Variants in TBC1D4 observed in about 807,000 individuals in gnomAD.
TBC1D4 encodes TBC1 domain family member 4, also known as TBC (Tre-2, BUB2, CDC16) domain-containing protein.
In TBC1D4, 121 loss-of-function variants were observed where a neutral mutation model predicts 142.5. That is an observed-to-expected ratio of 0.85 (90% CI 0.73 to 0.99). TBC1D4 has a LOEUF of 0.99. Among genes scored for constraint, TBC1D4 ranks in the 50% least tolerant of loss-of-function variants. TBC1D4 has a pLI of 0.00. For synonymous variants in TBC1D4, 630 were observed against 628.2 expected (o/e 1.00, Z -0.04); for missense variants, 1,475 against 1,606.6 (o/e 0.92, Z 1.40).
chr13:75,309,928 T>A lies in TBC1D4; in HGVS notation c.2593+14A>T. ...TCATAGCATCATAGCATTTAGTCTG[T>A]TAAAATGGCTAACCTTCAAGTTTCT... On this transcript the variant is annotated intron_variant, in intron 14 of 20. Transcript: ENST00000377636. The A allele has an allele frequency of 6.2e-7, 1 of 1,613,790 alleles. No individual in the cohort carries two copies. The highest frequency in any genetic ancestry group is 1.1e-5 in the South Asian group (1 of 91,038).
chr13:75,407,764 C>T (rs954635215), intron 1 of TBC1D4, among the ~76,000 whole-genome samples: 2 of 151,762 alleles, frequency 1.3e-5, no homozygotes, highest in African/African-American at 4.8e-5. Context: ...GAAGTGCCCA[C>T]AGCAAAGTCT....
chr13:75,440,053 A>G (rs1886971284), intron 1 of TBC1D4, among the ~76,000 whole-genome samples: 1 of 152,188 alleles, frequency 6.6e-6, no homozygotes, highest in Non-Finnish European at 1.5e-5. Context: ...TTGGACAAGC[A>G]TTTTTTGATA....
chr13:75,364,656 C>T (rs1882794501), intron 1 of TBC1D4, among the ~76,000 whole-genome samples: 1 of 152,248 alleles, frequency 6.6e-6, no homozygotes, highest in Non-Finnish European at 1.5e-5. Flanking sequence ...CCGTGCAAAC[C>T]TGCAAAAAAT....
chr13:75,373,509 G>A (rs542148737), intron 1 of TBC1D4, among the ~76,000 whole-genome samples: 30 of 152,194 alleles, frequency 2.0e-4, no homozygotes, highest in African/African-American at 6.7e-4. Flanking sequence ...TCTCTGACCC[G>A]GACTTGCACT....
At chr13:75,468,531 G>A (rs1258669437) in intron 1 of TBC1D4, among the ~76,000 whole-genome samples, 9 of 146,918 alleles carry the variant, frequency 6.1e-5, no homozygotes, top group South Asian at 4.4e-4. Context: ...TGATCAGGAG[G>A]GAAAAAAAAA....
At chr13:75,452,599 C>T (rs759205285) in intron 1 of TBC1D4, among the ~76,000 whole-genome samples, 53 of 152,290 alleles carry the variant, frequency 3.5e-4, no homozygotes, top group Non-Finnish European at 6.2e-4. Context: ...CAACTAATTT[C>T]GATGACTAAA....
intron 1 of TBC1D4, among the ~76,000 whole-genome samples, chr13:75,437,650 C>T (rs991296149): frequency 2.0e-5 from 3 of 151,566 alleles, no homozygotes; most frequent in African/African-American, 2.4e-5. Context: ...TACAATACAC[C>T]GATATACAGT....
intron 1 of TBC1D4, among the ~76,000 whole-genome samples, chr13:75,455,030 T>C (rs1887674181): frequency 6.6e-6 from 1 of 152,234 alleles, no homozygotes; most frequent in Admixed American, 6.5e-5. Flanking sequence ...CATCTGCTTC[T>C]GATTCTTCAG....
intron 1 of TBC1D4, among the ~76,000 whole-genome samples, chr13:75,394,469 G>C (rs1407618022): frequency 1.3e-5 from 2 of 152,216 alleles, no homozygotes; most frequent in East Asian, 3.9e-4. Flanking sequence ...GGTCATTTTG[G>C]CTATGTATTA....
chr13:75,411,398 A>G (rs1384514829), intron 1 of TBC1D4, among the ~76,000 whole-genome samples: 14 of 152,160 alleles, frequency 9.2e-5, no homozygotes, highest in South Asian at 2.1e-4. Flanking sequence ...GGAGTAAAGG[A>G]CATTTCCTAA....
intron 1 of TBC1D4, among the ~76,000 whole-genome samples, chr13:75,410,124 T>G (rs559559150): frequency 1.3e-5 from 2 of 152,204 alleles, no homozygotes; most frequent in East Asian, 1.9e-4. Flanking sequence ...TGTACGTAAA[T>G]AACGGTGTAT....
chr13:75,331,286 G>A (rs2138032569), intron 8 of TBC1D4, among the ~76,000 whole-genome samples: 1 of 152,042 alleles, frequency 6.6e-6, no homozygotes, highest in East Asian at 1.9e-4. Flanking sequence ...TTGACCCCAG[G>A]AGTTCGAGAC....
rs1879233529 is a variant in TBC1D4, at chr13:75,326,202, C to A, written c.2028G>T (p.Gln676His). ...CTGGAGAGGGTCAGACTCACCTGCA[C>A]TGTTCACTGGAGCTCTGCCTCAGCA... is the stretch of plus-strand genomic sequence containing the variant. ...SPLLRQSSSE[Q>H]CSNLSSVRRM... The change falls in exon 10 of 21, where the codon CAG becomes CAT. Residue 676 changes from glutamine to histidine, a missense_variant. Around this residue, in one of 2 missense-constraint regions of TBC1D4, gnomAD observed 1,227 missense variants for 1,267.7 expected, o/e 0.97. Coordinates refer to ENST00000377636, the MANE Select transcript of TBC1D4 (RefSeq NM_014832.5). 1 of 1,614,182 alleles carries A rather than the reference C, an allele frequency of 6.2e-7. No homozygotes were observed. The highest frequency in any genetic ancestry group is 2.2e-5 in the East Asian group (1 of 44,872).
chr13:75,366,499 A>G (rs180880207), intron 1 of TBC1D4, among the ~76,000 whole-genome samples: 9 of 152,346 alleles, frequency 5.9e-5, no homozygotes, highest in Admixed American at 5.2e-4. Flanking sequence ...CAAGTTGTTA[A>G]AATGATCCAT....
At chr13:75,472,505 G>C (rs1306322846) in intron 1 of TBC1D4, among the ~76,000 whole-genome samples, 1 of 152,148 alleles carries the variant, frequency 6.6e-6, no homozygotes, top group Non-Finnish European at 1.5e-5. Flanking sequence ...CATGCCAACA[G>C]GCTTTTACAA....
rs1315186075 is a variant in TBC1D4, at chr13:75,286,758, A to C, written c.*34T>G. 6 of 1,599,878 alleles carry C rather than the reference A, an allele frequency of 3.8e-6. No individual in the cohort carries two copies. The highest frequency in any genetic ancestry group is 3.4e-5 in the Admixed American group (2 of 58,622). Reference sequence around the variant, plus strand: ...GGCTCTTCCTCTCTGTAGTATTCTAAGGAGCACTTTCTGCTGAGGCCGTGC... The same window carrying C: ...GGCTCTTCCTCTCTGTAGTATTCTACGGAGCACTTTCTGCTGAGGCCGTGC... On this transcript the variant is annotated 3_prime_UTR_variant, in exon 21 of 21. Coordinates refer to ENST00000377636, the MANE Select transcript of TBC1D4 (RefSeq NM_014832.5).
At chr13:75,359,494 A>G (rs1178719940) in intron 3 of TBC1D4, among the ~76,000 whole-genome samples, 2 of 152,180 alleles carry the variant, frequency 1.3e-5, no homozygotes, top group Non-Finnish European at 2.9e-5. Context: ...CAAAAATTCC[A>G]TCACTGGAAG....
chr13:75,385,988 C>G (rs1211874192), intron 1 of TBC1D4, among the ~76,000 whole-genome samples: 1 of 152,184 alleles, frequency 6.6e-6, no homozygotes, highest in East Asian at 1.9e-4. Context: ...CCCTAAAGCC[C>G]TCGTGTCCTG....
At chr13:75,463,375 G>T (rs937640008) in intron 1 of TBC1D4, among the ~76,000 whole-genome samples, 5 of 152,136 alleles carry the variant, frequency 3.3e-5, no homozygotes, top group African/African-American at 1.2e-4. Context: ...GTCCCCTAAT[G>T]CACTGGTTCT....
Sources: gnomAD v4.1 joint callset for allele counts (sites outside exome capture counted in the v4.1 genomes callset) on GRCh38, gnomAD v4.1.1 for gene constraint, gnomAD v4.1.1 regional missense constraint, MANE v1.5 for transcripts, NCBI Gene and HGNC (gene_info 2026-07-23, HGNC 2026-07-21) for gene names.